The following PAWR variants were observed in gnomAD, a reference collection of about 807,000 sequenced individuals.
PAWR encodes PRKC apoptosis WT1 regulator protein.
In PAWR, 23 loss-of-function variants were observed where a neutral mutation model predicts 32.0. The ratio of observed to expected loss-of-function variants is 0.72; its 90% CI spans 0.52 to 1.02. The LOEUF (loss-of-function observed/expected upper bound fraction) is 1.02. Among genes scored for constraint, PAWR ranks in the 50% least tolerant of loss-of-function variants. The probability of loss-of-function intolerance (pLI) is 0.00; values close to 1 mark genes in which losing one functional copy is unlikely to be tolerated. For missense variants in PAWR, 457 were observed against 437.7 expected (o/e 1.04, Z -0.39); for synonymous variants, 226 against 187.1 (o/e 1.21, Z -1.70).
chr12:79,652,086 G>A (rs188044960), intron 2 of PAWR, among the ~76,000 whole-genome samples: 1 of 152,084 alleles, frequency 6.6e-6, no homozygotes, highest in Non-Finnish European at 1.5e-5. Context: ...TTGGCCAGAG[G>A]GGGGTGGGAA....
chr12:79,655,153 TG>T (rs1156716128), intron 2 of PAWR, among the ~76,000 whole-genome samples: 1 of 152,214 alleles, frequency 6.6e-6, no homozygotes, highest in African/African-American at 2.4e-5. Flanking sequence ...AAGAATAGAA[TG>T]TCAGGCCTTT....
chr12:79,632,831 A>C (rs1875773927), intron 2 of PAWR, among the ~76,000 whole-genome samples: 1 of 152,104 alleles, frequency 6.6e-6, no homozygotes, highest in South Asian at 2.1e-4. Context: ...TTACAAAAAT[A>C]AGCTCAAAAT....
chr12:79,626,163 T>TAAAAAAAAAAAAAAAA lies in PAWR; in HGVS notation c.517-4972_517-4957dup, dbSNP rs565157190. Among the ~76,000 whole-genome samples, 78 of 82,114 alleles carry TAAAAAAAAAAAAAAAA rather than the reference T, an allele frequency of 9.5e-4. 1 individual carries two copies. Among genetic ancestry groups the TAAAAAAAAAAAAAAAA allele is most frequent in the African/African-American group, 2.7e-3 (77 of 28,112 alleles). The allele number at this position is 82,114 out of a possible 152,430, so 53.9% of individuals were successfully genotyped here. A position where few individuals can be genotyped will look rare whatever the true frequency, so the allele number is the denominator to read the frequency against. The stretch of plus-strand genomic sequence containing the variant: ...TGGGCTACAGAGTGAGACTCCATCT[T>TAAAAAAAAAAAAAAAA]AAAAAAAAAAAAAAAAAAAAAAGAA... On this transcript the variant is annotated intron_variant, in intron 2 of 6. Coordinates refer to ENST00000328827, the MANE Select transcript of PAWR (RefSeq NM_002583.4).
In PAWR at chr12:79,689,743, T is replaced by C. The variant is rs1259582015; in HGVS notation, c.502A>G (p.Ile168Val). Residue 168 changes from isoleucine to valine, a missense_variant, in exon 2 of 7, where the codon ATC (isoleucine) becomes GTC (valine). Ile to Val is a conservative substitution (Grantham distance 29, BLOSUM62 3). Transcript: ENST00000328827. ...GCCCGGCTCACCTCTGCGGCAGGGA[T>C]GTTGACCACGCCGGTGGAGCGCCGC... The part of the protein sequence containing the change: ...EKRRSTGVVN[I>V]PAAECLDEYE... 6.4e-7 allele frequency: 1 copy of C among 1,566,564 alleles called. No homozygotes were observed. Among genetic ancestry groups the C allele is most frequent in the African/African-American group, 1.4e-5 (1 of 73,654 alleles).
At chr12:79,679,279 A>G (rs1434916660) in intron 2 of PAWR, among the ~76,000 whole-genome samples, 1 of 152,184 alleles carries the variant, frequency 6.6e-6, no homozygotes, top group Non-Finnish European at 1.5e-5. Context: ...TTATAAAAGA[A>G]TCTATAAAAA....
chr12:79,590,869 T>C lies in PAWR; in HGVS notation c.*1738A>G, dbSNP rs554323115. 2.8e-4 allele frequency: 42 copies of C among 152,312 alleles called. No individual in the cohort carries two copies. The highest frequency in any genetic ancestry group is 9.6e-4 in the African/African-American group (40 of 41,564). The allele number at this position is 152,312 out of a possible 1,614,324, so 9.4% of individuals were successfully genotyped here. A position where few individuals can be genotyped will look rare whatever the true frequency, so the allele number is the denominator to read the frequency against. On this transcript the variant is annotated 3_prime_UTR_variant, in exon 7 of 7. Transcript: ENST00000328827. Reference sequence around the variant, plus strand: ...TATATTAAATTTGGTAATCTAACATTAAACTTTTTCGTGAGCAGTGAATAT... The same window carrying C: ...TATATTAAATTTGGTAATCTAACATCAAACTTTTTCGTGAGCAGTGAATAT...
chr12:79,650,362 G>C (rs1876782988), intron 2 of PAWR, among the ~76,000 whole-genome samples: 1 of 152,192 alleles, frequency 6.6e-6, no homozygotes, highest in Non-Finnish European at 1.5e-5. Flanking sequence ...AAAACTGCTA[G>C]TTATTAAATT....
In PAWR at chr12:79,622,121, T is replaced by A. The variant is rs562661579; in HGVS notation, c.517-914A>T. ...AGTATGGCAGTGAAGACAATAGGAA[T>A]TGGACAAAAAAAAAAAGTTGTGCAG... On this transcript the variant is annotated intron_variant, in intron 2 of 6. Coordinates refer to ENST00000328827, the MANE Select transcript of PAWR (RefSeq NM_002583.4). 2.0e-5 allele frequency among the ~76,000 whole-genome samples: 3 copies of A among 151,380 alleles called. No individual in the cohort carries two copies. In the South Asian group the frequency reaches 6.3e-4, roughly 32 times the overall value.
intron 2 of PAWR, among the ~76,000 whole-genome samples, chr12:79,632,361 A>ATATTT (rs1566011212): frequency 1.9e-4 from 4 of 20,598 alleles, no homozygotes; most frequent in African/African-American, 3.0e-4. Context: ...ATATATATAT[A>ATATTT]TTTTTTTTTT....
Position 79,587,146 on chromosome 12 carries a change from A to G in PAWR, c.*5461T>C, listed in dbSNP as rs1419798547. The G allele has an allele frequency of 6.6e-6, 1 of 152,114 alleles. No individual in the cohort carries two copies. Among genetic ancestry groups the G allele is most frequent in the African/African-American group, 2.4e-5 (1 of 41,460 alleles). The allele number at this position is 152,114 out of a possible 1,614,324, so 9.4% of individuals were successfully genotyped here. ...GATGAAAGGTTCCATTTCATGTAAG[A>G]TTATGTGACCTTGGAAAAATTTACT... is the stretch of plus-strand genomic sequence containing the variant. On this transcript the variant is annotated 3_prime_UTR_variant, in exon 7 of 7. Transcript: ENST00000328827.
At chr12:79,632,346 TATATATATATA>T (rs1566011081) in intron 2 of PAWR, among the ~76,000 whole-genome samples, 20 of 66,750 alleles carry the variant, frequency 3.0e-4, no homozygotes, top group Admixed American at 1.4e-3. Flanking sequence ...TATATATATA[TATATATATATA>T]TATATTTTTT....
At chr12:79,597,983 T>C (rs1440525043) in intron 4 of PAWR, 1 of 152,248 alleles carries the variant, frequency 6.6e-6, no homozygotes, top group East Asian at 1.9e-4. Context: ...CTCACTCACA[T>C]GACTGATGAC....
chr12:79,619,532 A>G (rs1042224297), intron 3 of PAWR, among the ~76,000 whole-genome samples: 3 of 152,220 alleles, frequency 2.0e-5, no homozygotes, highest in Non-Finnish European at 4.4e-5. Context: ...ATATGTGCAT[A>G]GTATATATAG....
intron 2 of PAWR, among the ~76,000 whole-genome samples, chr12:79,647,019 A>T (rs1233495501): frequency 1.3e-5 from 2 of 151,986 alleles, no homozygotes; most frequent in Admixed American, 1.3e-4. Context: ...TTACTAAAAT[A>T]CAAAAATTAG....
intron 4 of PAWR, chr12:79,603,804 A>T (rs566013625): frequency 6.7e-6 from 1 of 150,004 alleles, no homozygotes; most frequent in African/African-American, 2.5e-5. Context: ...CCTCCCAAGT[A>T]GCTGGGATTA....
Position 79,594,448 on chromosome 12 carries a change from T to C in PAWR, c.832-15A>G, listed in dbSNP as rs753292502. On this transcript the variant is annotated splice_polypyrimidine_tract_variant and intron_variant, in intron 5 of 6. Coordinates refer to ENST00000328827, the MANE Select transcript of PAWR (RefSeq NM_002583.4). ...CTTACTACTTCCTGGTAGATACAAT[T>C]AAAAACCAGTAATTAGGAAGTAATT... The C allele has an allele frequency of 8.6e-6, 10 of 1,157,230 alleles. No individual in the cohort carries two copies. Among genetic ancestry groups the C allele is most frequent in the Non-Finnish European group, 1.3e-5 (10 of 782,582 alleles). The allele number at this position is 1,157,230 out of a possible 1,614,324, so 71.7% of individuals were successfully genotyped here.
chr12:79,632,314 T>TAC (rs1875691794), intron 2 of PAWR, among the ~76,000 whole-genome samples: 1 of 18,114 alleles, frequency 5.5e-5, no homozygotes, highest in Non-Finnish European at 8.2e-5. Context: ...TATACATACA[T>TAC]ATATATATAT....
intron 2 of PAWR, among the ~76,000 whole-genome samples, chr12:79,639,831 T>TCCTTTTCCATTC (rs879765629): frequency 1.6e-5 from 2 of 126,428 alleles, no homozygotes; most frequent in African/African-American, 7.8e-5. Context: ...CTTTTCCTTT[T>TCCTTTTCCATTC]CCATTCCTAT....
intron 4 of PAWR, among the ~76,000 whole-genome samples, chr12:79,602,233 C>T (rs1024791050): frequency 4.6e-5 from 7 of 152,014 alleles, no homozygotes; most frequent in Admixed American, 2.6e-4. Flanking sequence ...AATATTAATG[C>T]CTTAGTGTTT....
Sources: allele counts gnomAD v4.1 joint callset (sites outside exome capture counted in the v4.1 genomes callset), GRCh38; gene constraint gnomAD v4.1.1; transcripts MANE v1.5; gene names NCBI Gene and HGNC (gene_info 2026-07-23, HGNC 2026-07-21).